AP3B1: variants seen among roughly 807,000 people sequenced by gnomAD.
AP3B1 encodes the protein adaptor related protein complex 3 subunit beta 1, also known as AP-3 complex subunit beta-1.
In AP3B1, 61 loss-of-function variants were observed where a neutral mutation model predicts 132.5. The observed-to-expected ratio is 0.46, with a 90% CI of 0.37 to 0.57. The LOEUF (loss-of-function observed/expected upper bound fraction) is 0.57. Ranked by LOEUF, AP3B1 falls within the 20% of genes least tolerant of loss-of-function variation. The pLI is 0.00. For missense variants in AP3B1, 1,120 were observed against 1,289.4 expected (o/e 0.87, Z 2.01); for synonymous variants, 388 against 438.3 (o/e 0.89, Z 1.43).
rs2054969 is a variant in AP3B1 at position 78,063,874 on chromosome 5, T to A, written c.2578-24600A>T. Among the ~76,000 whole-genome samples the A allele has an allele frequency of 1.6e-3, 244 of 152,262 alleles. 2 individuals carry two copies. Among genetic ancestry groups the A allele is most frequent in the South Asian group, 9.3e-3 (45 of 4,822 alleles). On this transcript the variant is annotated intron_variant, in intron 22 of 26. Transcript: ENST00000255194. ...ATATAGTACTGAGCTTAATTTTTTT[T>A]AAAAATGATAAAATATGTAAACATA...
rs185042388 is a variant in AP3B1, at chr5:78,292,759, T to C, written c.128+1693A>G. ...TACATATCACCTCTAATCAATTAGC[T>C]ACTTTTATTTTAAATCCAACCTGTT... On this transcript the variant is annotated intron_variant, in intron 1 of 26. Coordinates refer to ENST00000255194, the MANE Select transcript of AP3B1 (RefSeq NM_003664.5). Among the ~76,000 whole-genome samples the C allele has an allele frequency of 3.9e-5, 6 of 152,272 alleles. No individual in the cohort carries two copies. In the East Asian group the frequency reaches 1.2e-3, roughly 29 times the overall value.
intron 3 of AP3B1, among the ~76,000 whole-genome samples, chr5:78,232,599 G>A (rs1746693215): frequency 6.6e-6 from 1 of 152,192 alleles, no homozygotes; most frequent in Non-Finnish European, 1.5e-5. Context: ...CCTTGCTATA[G>A]TAAGCAATAA....
At chr5:78,244,792 C>T (rs189639467) in intron 2 of AP3B1, among the ~76,000 whole-genome samples, 290 of 152,158 alleles carry the variant, frequency 1.9e-3, no homozygotes, top group Admixed American at 3.9e-3. Context: ...GTCTGGAGAT[C>T]GAGACCATCC....
At chr5:78,131,671 G>A (rs1752692087) in intron 15 of AP3B1, among the ~76,000 whole-genome samples, 1 of 151,818 alleles carries the variant, frequency 6.6e-6, no homozygotes, top group Non-Finnish European at 1.5e-5. Context: ...TTAAAAACAG[G>A]TGCTCCATCA....
intron 12 of AP3B1, among the ~76,000 whole-genome samples, chr5:78,163,593 A>G (rs982571584): frequency 5.7e-4 from 71 of 123,600 alleles, no homozygotes; most frequent in East Asian, 2.3e-3. Flanking sequence ...GTGTGTGTGT[A>G]TATATATATA....
In AP3B1 at chr5:78,146,290, C is replaced by T. The variant is rs1001816857; in HGVS notation, c.1474-4971G>A. Among the ~76,000 whole-genome samples, 11 of 152,162 alleles carry T rather than the reference C, an allele frequency of 7.2e-5. 1 individual carries two copies. The highest frequency in any genetic ancestry group is 1.2e-4 in the African/African-American group (5 of 41,424). ...CTGCTACATCCCTCATCACCTTCTC[C>T]TGGGGTAACTTGTGGTTGACCATTT... is the stretch of plus-strand genomic sequence containing the variant. On this transcript the variant is annotated intron_variant, in intron 14 of 26. Coordinates refer to ENST00000255194, the MANE Select transcript of AP3B1 (RefSeq NM_003664.5).
intron 22 of AP3B1, among the ~76,000 whole-genome samples, chr5:78,062,030 A>T (rs1749081870): frequency 6.6e-6 from 1 of 152,238 alleles, no homozygotes; most frequent in Admixed American, 6.5e-5. Context: ...CACTACAAGG[A>T]TACACAGTAT....
intron 17 of AP3B1, chr5:78,121,636 C>T (rs1752202546): frequency 6.6e-6 from 1 of 152,200 alleles, no homozygotes; most frequent in Non-Finnish European, 1.5e-5. Context: ...CCTCCCAAGA[C>T]TAAACCAGGA....
chr5:78,057,823 T>C (rs1025087545), intron 22 of AP3B1, among the ~76,000 whole-genome samples: 2 of 152,238 alleles, frequency 1.3e-5, no homozygotes, highest in Non-Finnish European at 2.9e-5. Flanking sequence ...CTCCAGCCCA[T>C]TATGATCTTA....
chr5:78,233,561 T>G (rs984477857), intron 3 of AP3B1, among the ~76,000 whole-genome samples: 1 of 152,198 alleles, frequency 6.6e-6, no homozygotes. Context: ...AAAGTACCCT[T>G]GTCATTCTGG....
chr5:78,221,744 T>A (rs1471186841), intron 6 of AP3B1, among the ~76,000 whole-genome samples: 1 of 150,866 alleles, frequency 6.6e-6, no homozygotes, highest in Non-Finnish European at 1.5e-5. Flanking sequence ...AGAAAAAAAA[T>A]AACAGAATTA....
At chr5:78,038,698 C>T (rs1747912373) in intron 23 of AP3B1, among the ~76,000 whole-genome samples, 1 of 152,064 alleles carries the variant, frequency 6.6e-6, no homozygotes, top group Non-Finnish European at 1.5e-5. Context: ...CACAATAAAC[C>T]ACTTAAAATT....
At position 78,240,943 on chromosome 5, in the gene AP3B1, A is replaced by G; in HGVS notation, c.205-7T>C. The G allele has an allele frequency of 1.2e-6, 2 of 1,601,214 alleles. No homozygotes were observed. The highest frequency in any genetic ancestry group is 2.7e-5 in the African/African-American group (2 of 74,792). On this transcript the variant is annotated splice_polypyrimidine_tract_variant and splice_region_variant and intron_variant, in intron 2 of 26. Transcript: ENST00000255194. ...TTTTCCCTTTTGCAATCATCTGAAG[A>G]ATAAACAAAACAGACAATATGGGAA... is the stretch of plus-strand genomic sequence containing the variant.
chr5:78,091,768 G>T (rs759218995), intron 21 of AP3B1, among the ~76,000 whole-genome samples: 1 of 152,166 alleles, frequency 6.6e-6, no homozygotes, highest in African/African-American at 2.4e-5. Context: ...ATCAAACAGA[G>T]GAATGACAAT....
intron 6 of AP3B1, among the ~76,000 whole-genome samples, chr5:78,216,520 G>A (rs1432372876): frequency 6.6e-6 from 1 of 151,998 alleles, no homozygotes; most frequent in East Asian, 1.9e-4. Flanking sequence ...TTCATATGTG[G>A]ATTAAACATT....
intron 22 of AP3B1, among the ~76,000 whole-genome samples, chr5:78,049,091 T>C (rs950515066): frequency 1.3e-5 from 2 of 152,218 alleles, no homozygotes; most frequent in African/African-American, 2.4e-5. Flanking sequence ...TCAAGGCTAC[T>C]TAATTCTACC....
chr5:78,107,094 A>C (rs1751370525), intron 20 of AP3B1, among the ~76,000 whole-genome samples: 1 of 152,256 alleles, frequency 6.6e-6, no homozygotes, highest in Non-Finnish European at 1.5e-5. Context: ...ATATCTCAAA[A>C]GACTAATGTG....
At chr5:78,101,238 T>C (rs1751110118) in intron 20 of AP3B1, 1 of 493,796 alleles carries the variant, frequency 2.0e-6, no homozygotes, top group Admixed American at 3.4e-5. Flanking sequence ...CTTAAACTAT[T>C]TTGTGTTTAA....
intron 24 of AP3B1, among the ~76,000 whole-genome samples, chr5:78,032,207 A>G (rs1476649654): frequency 6.6e-6 from 1 of 152,192 alleles, no homozygotes; most frequent in Non-Finnish European, 1.5e-5. Flanking sequence ...TCCAGAAGCT[A>G]AAGTAGGATC....
Sources: allele counts gnomAD v4.1 joint callset (sites outside exome capture counted in the v4.1 genomes callset), GRCh38; gene constraint gnomAD v4.1.1; transcripts MANE v1.5; gene names NCBI Gene and HGNC (gene_info 2026-07-23, HGNC 2026-07-21).